RPRD1B: variants seen among roughly 807,000 people sequenced by gnomAD.
RPRD1B encodes the protein regulation of nuclear pre-mRNA domain-containing protein 1B.
In RPRD1B, 11 loss-of-function variants were observed where a neutral mutation model predicts 41.5. The observed-to-expected ratio is 0.27, with a 90% CI of 0.17 to 0.44. The LOEUF is 0.44. Among genes scored for constraint, RPRD1B ranks in the 20% least tolerant of loss-of-function variants. The pLI is 1.00. For missense variants in RPRD1B, 248 were observed against 389.9 expected, an observed-to-expected ratio of 0.64 and a Z score of 3.06; for synonymous variants, 158 against 155.6, an observed-to-expected ratio of 1.02 and a Z score of -0.12.
At chr20:38,073,585 A>T (rs1398866925) in intron 6 of RPRD1B, among the ~76,000 whole-genome samples, 1 of 152,074 alleles carries the variant, frequency 6.6e-6, no homozygotes, top group African/African-American at 2.4e-5. Flanking sequence ...TTTTGGCAGC[A>T]CCTCCCTGCA....
chr20:38,063,459 G>T (rs1568654412), intron 5 of RPRD1B, among the ~76,000 whole-genome samples: 1 of 152,210 alleles, frequency 6.6e-6, no homozygotes, highest in Non-Finnish European at 1.5e-5. Flanking sequence ...TAATTGGAAG[G>T]TTTTGAGCAG....
In RPRD1B at chr20:38,088,258, T is replaced by C. The variant is rs1270703121; in HGVS notation, c.832-1468T>C. 3.3e-5 allele frequency among the ~76,000 whole-genome samples: 5 copies of C among 152,240 alleles called. No homozygotes were observed. In the South Asian group the frequency reaches 1.0e-3, roughly 31 times the overall value. On this transcript the variant is annotated intron_variant, in intron 6 of 6. Transcript: ENST00000373433. The stretch of plus-strand genomic sequence containing the variant: ...TTCTCCATTTGACCTTTTTCCTGCC[T>C]CATTATTCTTCCCAGACATTCTCTA...
intron 6 of RPRD1B, among the ~76,000 whole-genome samples, chr20:38,078,158 G>C (rs1178309713): frequency 1.3e-5 from 2 of 151,010 alleles, no homozygotes; most frequent in Non-Finnish European, 1.5e-5. Flanking sequence ...ACAGAGTGCA[G>C]GCTGTCTCAA....
chr20:38,034,162 A>G, intron 1 of RPRD1B, 64 bp downstream of exon 1: 1 of 1,543,076 alleles, frequency 6.5e-7, no homozygotes, highest in Non-Finnish European at 8.8e-7. Context: ...CATACAACCT[A>G]GGCCCCTCTA....
At chr20:38,037,390 A>T (rs1330593135) in intron 1 of RPRD1B, among the ~76,000 whole-genome samples, 1 of 152,206 alleles carries the variant, frequency 6.6e-6, no homozygotes, top group Admixed American at 6.5e-5. Context: ...CTTTCTGTAG[A>T]TGTCAAAACC....
At chr20:38,087,238 G>A (rs1167170252) in intron 6 of RPRD1B, among the ~76,000 whole-genome samples, 1 of 152,206 alleles carries the variant, frequency 6.6e-6, no homozygotes, top group Non-Finnish European at 1.5e-5. Flanking sequence ...GGGATTATAG[G>A]CATGAGCCAC....
chr20:38,082,946 A>G (rs1470517042), intron 6 of RPRD1B, among the ~76,000 whole-genome samples: 3 of 152,210 alleles, frequency 2.0e-5, no homozygotes, highest in African/African-American at 4.8e-5. Context: ...ACATGATACA[A>G]CCAAATACAC....
chr20:38,068,258 C>A (rs1173581147), intron 6 of RPRD1B, among the ~76,000 whole-genome samples: 2 of 152,210 alleles, frequency 1.3e-5, no homozygotes, highest in East Asian at 1.9e-4. Flanking sequence ...AAAGGCCCCA[C>A]CACTGGAACC....
chr20:38,063,807 C>T (rs1228051518), intron 5 of RPRD1B, among the ~76,000 whole-genome samples: 2 of 152,208 alleles, frequency 1.3e-5, no homozygotes, highest in Non-Finnish European at 2.9e-5. Context: ...AGCGTGAGGA[C>T]AGCGTGGGTA....
intron 6 of RPRD1B, among the ~76,000 whole-genome samples, chr20:38,067,860 C>T (rs2074372740): frequency 6.6e-6 from 1 of 152,234 alleles, no homozygotes; most frequent in Non-Finnish European, 1.5e-5. Context: ...GGTTGTAAGT[C>T]ACCATGCCAT....
At chr20:38,034,901 C>T (rs947181129) in intron 1 of RPRD1B, among the ~76,000 whole-genome samples, 1 of 152,212 alleles carries the variant, frequency 6.6e-6, no homozygotes, top group African/African-American at 2.4e-5. Flanking sequence ...CTTACTGACC[C>T]CAGCAACTTA....
At position 38,090,913 on chromosome 20, in the gene RPRD1B, A is replaced by T; in HGVS notation, c.*1038A>T. 1.0e-6 allele frequency: 1 copy of T among 985,076 alleles called. No homozygotes were observed. The highest frequency in any genetic ancestry group is 1.2e-6 in the Non-Finnish European group (1 of 829,814). The allele number at this position is 985,076 out of a possible 1,614,324, so 61.0% of individuals were successfully genotyped here. ...CGTCTGTCATGTCACGCCACTGCAC[A>T]GGTCCTTGTCCCCACACGACGGGGA... On this transcript the variant is annotated 3_prime_UTR_variant, in exon 7 of 7. Coordinates refer to ENST00000373433, the MANE Select transcript of RPRD1B (RefSeq NM_021215.4).
chr20:38,049,170 A>T (rs1014917867), intron 3 of RPRD1B, among the ~76,000 whole-genome samples: 2 of 151,834 alleles, frequency 1.3e-5, no homozygotes, highest in African/African-American at 4.8e-5. Flanking sequence ...GCTGGTCTCA[A>T]ACTCCTGACC....
chr20:38,071,514 G>T (rs569194461), intron 6 of RPRD1B, among the ~76,000 whole-genome samples: 3 of 152,242 alleles, frequency 2.0e-5, no homozygotes, highest in African/African-American at 7.2e-5. Context: ...GGAGGTTTTT[G>T]TGTGGCCATA....
At chr20:38,049,372 T>TTC (rs1555799706) in intron 3 of RPRD1B, among the ~76,000 whole-genome samples, 78 of 136,484 alleles carry the variant, frequency 5.7e-4, no homozygotes, top group African/African-American at 2.1e-3. Flanking sequence ...TTTTTCTTTT[T>TTC]TTTTTTTTTT....
chr20:38,087,458 G>C (rs1022382897), intron 6 of RPRD1B, among the ~76,000 whole-genome samples: 1 of 152,064 alleles, frequency 6.6e-6, no homozygotes, highest in African/African-American at 2.4e-5. Flanking sequence ...TGTTCTTGAG[G>C]GACTCCTTCA....
chr20:38,086,902 A>T (rs1430099507), intron 6 of RPRD1B, among the ~76,000 whole-genome samples: 1 of 151,946 alleles, frequency 6.6e-6, no homozygotes, highest in Non-Finnish European at 1.5e-5. Flanking sequence ...ACCCCACCCT[A>T]TACCCCCTTC....
rs141555262 is a variant in RPRD1B, at chr20:38,090,957, AT to A, written c.*1084del. ...ACGGGGAGTACTTGCGTCAGATGTT[AT>A]TGAATAGCTCGTCTCGGGCAGGGGA... On this transcript the variant is annotated 3_prime_UTR_variant, in exon 7 of 7. Coordinates refer to ENST00000373433, the MANE Select transcript of RPRD1B (RefSeq NM_021215.4). 27,441 of 985,418 alleles carry A rather than the reference AT, an allele frequency of 0.028. 420 individuals are homozygous for A. The highest frequency in any genetic ancestry group is 0.03 in the Non-Finnish European group (24,935 of 829,918). The allele number at this position is 985,418 out of a possible 1,614,324, so 61.0% of individuals were successfully genotyped here.
chr20:38,056,362 G>A (rs773661922), intron 3 of RPRD1B, among the ~76,000 whole-genome samples: 2 of 151,994 alleles, frequency 1.3e-5, no homozygotes, highest in Non-Finnish European at 2.9e-5. Context: ...CTGCACTCCA[G>A]CCTGGGCAAG....
Sources: gnomAD v4.1 joint callset for allele counts (sites outside exome capture counted in the v4.1 genomes callset) on GRCh38, gnomAD v4.1.1 for gene constraint, MANE v1.5 for transcripts, NCBI Gene and HGNC (gene_info 2026-07-23, HGNC 2026-07-21) for gene names.